The following FRMPD4 variants were observed in gnomAD, a reference collection of about 807,000 sequenced individuals.
FRMPD4 encodes the protein FERM and PDZ domain-containing protein 4.
A neutral mutation model predicts 94.1 loss-of-function variants in FRMPD4; 22 were observed. The ratio of observed to expected loss-of-function variants is 0.23; its 90% CI spans 0.17 to 0.33. The LOEUF (loss-of-function observed/expected upper bound fraction) is 0.33. Among genes scored for constraint, FRMPD4 ranks in the 10% least tolerant of loss-of-function variants. FRMPD4 has a pLI of 1.00. For missense variants in FRMPD4, 1,111 were observed against 1,339.9 expected (o/e 0.83, Z 2.67); for synonymous variants, 631 against 548.6 (o/e 1.15, Z -2.10).
intron 2 of FRMPD4, among the ~76,000 whole-genome samples, chrX:12,576,305 T>G (rs1332772300): frequency 1.8e-5 from 2 of 112,681 alleles, no homozygotes; most frequent in African/African-American, 6.4e-5. Context: ...GAAACTAAAA[T>G]AAGAAAAAGA....
chrX:11,944,111 C>T (rs992429961), intron 3 of FRMPD4, among the ~76,000 whole-genome samples: 4 of 112,261 alleles, frequency 3.6e-5, no homozygotes, highest in East Asian at 2.8e-4. Flanking sequence ...CTTTACTGAC[C>T]GCTGGTTTAT....
At chrX:12,131,660 T>C (rs1034302515) in intron 3 of FRMPD4, among the ~76,000 whole-genome samples, 1 of 111,571 alleles carries the variant, frequency 9.0e-6, no homozygotes, top group Non-Finnish European at 1.9e-5. Context: ...ATTATATTGG[T>C]AGAATTTGAG....
chrX:12,338,776 G>A (rs769536855), intron 1 of FRMPD4, among the ~76,000 whole-genome samples: 10 of 112,046 alleles, frequency 8.9e-5, no homozygotes, highest in African/African-American at 2.3e-4. Context: ...TATAAATAAG[G>A]AAACAGAGGT....
intron 1 of FRMPD4, among the ~76,000 whole-genome samples, chrX:12,278,560 T>A (rs927871658): frequency 5.3e-5 from 6 of 112,325 alleles, no homozygotes; most frequent in Admixed American, 4.7e-4. Context: ...CCTCAGTGGG[T>A]CTAGCTAGCA....
At chrX:11,988,993 A>C (rs934372207) in intron 3 of FRMPD4, among the ~76,000 whole-genome samples, 2 of 111,880 alleles carry the variant, frequency 1.8e-5, no homozygotes, top group African/African-American at 6.5e-5. Flanking sequence ...GGAAACCCCC[A>C]CACACTGTTG....
At chrX:12,281,161 G>A (rs1259473632) in intron 1 of FRMPD4, among the ~76,000 whole-genome samples, 1 of 111,719 alleles carries the variant, frequency 9.0e-6, no homozygotes, top group Non-Finnish European at 1.9e-5. Context: ...CCTGGTGGCA[G>A]GGAAGTTTGG....
chrX:11,998,683 T>C (rs1001902789), intron 3 of FRMPD4, among the ~76,000 whole-genome samples: 1 of 112,192 alleles, frequency 8.9e-6, no homozygotes, highest in East Asian at 2.8e-4. Flanking sequence ...AAAATCTCTT[T>C]GTAGTCAATC....
intron 2 of FRMPD4, among the ~76,000 whole-genome samples, chrX:12,568,989 G>A: frequency 8.9e-6 from 1 of 111,741 alleles, no homozygotes. Flanking sequence ...GTGCCCTCAT[G>A]AGTAGATTAA....
intron 3 of FRMPD4, among the ~76,000 whole-genome samples, chrX:11,997,001 G>A (rs929327640): frequency 9.0e-6 from 1 of 111,439 alleles, no homozygotes; most frequent in Non-Finnish European, 1.9e-5. Flanking sequence ...AGAGTGAAAA[G>A]AGGAAGTGAA....
At chrX:12,049,936 G>T (rs913113715) in intron 3 of FRMPD4, among the ~76,000 whole-genome samples, 7 of 111,730 alleles carry the variant, frequency 6.3e-5, no homozygotes, top group African/African-American at 2.3e-4. Flanking sequence ...AATATAACAA[G>T]AAAATATTTT....
intron 1 of FRMPD4, among the ~76,000 whole-genome samples, chrX:12,290,626 G>A (rs1032066204): frequency 8.9e-6 from 1 of 111,983 alleles, no homozygotes; most frequent in Non-Finnish European, 1.9e-5. Context: ...AATAATGAGA[G>A]ACACACATGT....
At chrX:12,420,512 G>A (rs756204727) in intron 1 of FRMPD4, among the ~76,000 whole-genome samples, 9 of 111,429 alleles carry the variant, frequency 8.1e-5, no homozygotes, top group East Asian at 2.8e-4. Context: ...GCCCTCCCTC[G>A]GCATTCTGTG....
chrX:12,662,826 A>G lies in FRMPD4; in HGVS notation c.423-12037A>G, dbSNP rs756850155. ...AATTTACACTCCCACCAACAGTGTA[A>G]AAGCATGCCTATTTCTCCACATCCT... On this transcript the variant is annotated intron_variant, in intron 4 of 16. Coordinates refer to ENST00000675598, the MANE Select transcript of FRMPD4 (RefSeq NM_001368397.1). 2.7e-5 allele frequency among the ~76,000 whole-genome samples: 3 copies of G among 112,517 alleles called. No homozygotes were observed. In the East Asian group the frequency reaches 8.3e-4, roughly 31 times the overall value.
intron 1 of FRMPD4, among the ~76,000 whole-genome samples, chrX:12,426,961 G>C (rs1485672028): frequency 9.1e-6 from 1 of 109,704 alleles, no homozygotes; most frequent in Non-Finnish European, 1.9e-5. Flanking sequence ...TAAATTCTCT[G>C]TACCTAATCT....
At chrX:11,972,459 C>T (rs1378781792) in intron 3 of FRMPD4, among the ~76,000 whole-genome samples, 2 of 111,979 alleles carry the variant, frequency 1.8e-5, no homozygotes, top group African/African-American at 6.5e-5. Context: ...GAGGAGTTTT[C>T]CAGGGAAACT....
chrX:12,689,289 AG>A (rs1431103363), intron 7 of FRMPD4, among the ~76,000 whole-genome samples: 1 of 112,017 alleles, frequency 8.9e-6, no homozygotes, highest in East Asian at 2.8e-4. Context: ...ATCCTATAAA[AG>A]ATTGCTGACA....
chrX:12,532,818 A>G (rs751898050), intron 2 of FRMPD4, among the ~76,000 whole-genome samples: 21 of 112,046 alleles, frequency 1.9e-4, no homozygotes, highest in Middle Eastern at 4.2e-3. Flanking sequence ...GATGCTGCTA[A>G]GTATCCTGCA....
At chrX:12,029,880 G>A (rs920322888) in intron 3 of FRMPD4, among the ~76,000 whole-genome samples, 1 of 111,336 alleles carries the variant, frequency 9.0e-6, no homozygotes, top group African/African-American at 3.3e-5. Context: ...TACACTTAAG[G>A]GAGGGGATTA....
intron 1 of FRMPD4, among the ~76,000 whole-genome samples, chrX:12,437,455 C>G (rs1447136783): frequency 9.2e-6 from 1 of 108,836 alleles, no homozygotes; most frequent in Admixed American, 9.9e-5. Flanking sequence ...TTTTTTCCTT[C>G]TTTTTTTCCT....
Sources: allele counts gnomAD v4.1 joint callset (sites outside exome capture counted in the v4.1 genomes callset), GRCh38; gene constraint gnomAD v4.1.1; transcripts MANE v1.5; gene names NCBI Gene and HGNC (gene_info 2026-07-23, HGNC 2026-07-21).